Variants in C19orf47 observed in about 807,000 individuals in gnomAD.
The protein encoded by C19orf47 is chromosome 19 open reading frame 47, also known as uncharacterized protein C19orf47.
Under a neutral mutation model 32.3 loss-of-function variants are expected in C19orf47, and 18 were observed. The observed-to-expected ratio is 0.56, with a 90% CI of 0.39 to 0.83. C19orf47 has a LOEUF of 0.83. Among genes scored for constraint, C19orf47 ranks in the 40% least tolerant of loss-of-function variants. C19orf47 has a pLI of 0.00. For synonymous variants in C19orf47, 202 were observed against 211.1 expected (o/e 0.96, Z 0.37); for missense variants, 484 against 531.6 (o/e 0.91, Z 0.88).
At chr19:40,326,303 G>A (rs372250147) in intron 7 of C19orf47, 31 bp downstream of exon 7, 14 of 1,612,596 alleles carry the variant, frequency 8.7e-6, no homozygotes, top group African/African-American at 5.3e-5. Flanking sequence ...CATGGACCCC[G>A]CAGGGAAGCA....
chr19:40,298,624 A>G, the C19orf47 span, among the ~76,000 whole-genome samples: 2 of 152,232 alleles, frequency 1.3e-5, no homozygotes, highest in African/African-American at 4.8e-5. Context: ...AGCTCATGAC[A>G]GTTCAAAATC....
chr19:40,348,457 C>T (rs1219598395), upstream of C19orf47: 2 of 1,501,424 alleles, frequency 1.3e-6, no homozygotes, highest in Non-Finnish European at 1.8e-6. Context: ...TGAACTGACT[C>T]GTCCGCGGCC....
the C19orf47 span, among the ~76,000 whole-genome samples, chr19:40,306,950 C>T: frequency 1.3e-5 from 2 of 151,596 alleles, no homozygotes; most frequent in Admixed American, 6.6e-5. Flanking sequence ...CCACCTAGCC[C>T]GGCTAATTTT....
downstream of C19orf47, among the ~76,000 whole-genome samples, chr19:40,318,094 G>T (rs1182905677): frequency 6.6e-6 from 1 of 152,140 alleles, no homozygotes. Flanking sequence ...TATCAAGGCA[G>T]CCCAGGTGGC....
downstream of C19orf47, among the ~76,000 whole-genome samples, chr19:40,317,019 G>A (rs2077666744): frequency 6.6e-6 from 1 of 152,162 alleles, no homozygotes; most frequent in African/African-American, 2.4e-5. Context: ...TGTAGTCTCT[G>A]AGGAAGGGAC....
intron 1 of C19orf47, among the ~76,000 whole-genome samples, chr19:40,342,999 A>G (rs2078206732): frequency 6.6e-6 from 1 of 152,198 alleles, no homozygotes. Flanking sequence ...ATTAGCACCA[A>G]TGGAGACTGT....
intron 1 of C19orf47, 175 bp from the exon 2 acceptor site, chr19:40,342,065 C>A: frequency 1.0e-6 from 1 of 985,434 alleles, no homozygotes; most frequent in South Asian, 4.7e-5. Flanking sequence ...CTGCCACCAC[C>A]ATCATCGCTT....
chr19:40,332,464 C>T (rs1443057945), intron 5 of C19orf47: 1 of 151,548 alleles, frequency 6.6e-6, no homozygotes, highest in African/African-American at 2.4e-5. Flanking sequence ...GCCTGGCCAA[C>T]AGGGTGAAAT....
downstream of C19orf47, among the ~76,000 whole-genome samples, chr19:40,318,201 T>C (rs540451649): frequency 9.9e-5 from 15 of 152,224 alleles, no homozygotes; most frequent in African/African-American, 3.4e-4. Flanking sequence ...ATAGGGTACA[T>C]AGTGAGACCT....
chr19:40,335,621 T>C (rs1180705361), intron 4 of C19orf47, among the ~76,000 whole-genome samples: 9 of 151,740 alleles, frequency 5.9e-5, no homozygotes. Context: ...TTTTTTTTTT[T>C]TTTTTCTTGA....
chr19:40,332,319 C>A (rs1372517495), intron 5 of C19orf47, among the ~76,000 whole-genome samples: 1 of 151,464 alleles, frequency 6.6e-6, no homozygotes, highest in Admixed American at 6.6e-5. Flanking sequence ...CGTGCCATCG[C>A]ACTCCAACGT....
intron 6 of C19orf47, among the ~76,000 whole-genome samples, chr19:40,327,493 C>T (rs2077858881): frequency 6.6e-6 from 1 of 152,082 alleles, no homozygotes; most frequent in Non-Finnish European, 1.5e-5. Flanking sequence ...AAATCAAAGG[C>T]CAGAAGAGGG....
chr19:40,300,378 T>C, the C19orf47 span, among the ~76,000 whole-genome samples: 29 of 151,768 alleles, frequency 1.9e-4, 1 homozygote, highest in South Asian at 5.4e-3. Context: ...GGCAGGAGAA[T>C]TGCTTGAACC....
At chr19:40,341,339 A>T (rs2078173740) in intron 2 of C19orf47, among the ~76,000 whole-genome samples, 1 of 151,830 alleles carries the variant, frequency 6.6e-6, no homozygotes, top group Admixed American at 6.6e-5. Flanking sequence ...CATCTCAACA[A>T]ACATACATAT....
intron 2 of C19orf47, among the ~76,000 whole-genome samples, chr19:40,337,942 A>C (rs2145593797): frequency 6.6e-6 from 1 of 152,228 alleles, no homozygotes; most frequent in East Asian, 1.9e-4. Context: ...ACTGACCAGA[A>C]GCAGGCACCT....
intron 4 of C19orf47, chr19:40,334,919 AAT>A (rs1307857605): frequency 6.7e-6 from 1 of 149,638 alleles, no homozygotes; most frequent in Non-Finnish European, 1.5e-5. Context: ...CTCAAAAATA[AAT>A]AATAAACAAG....
At chr19:40,343,860 AT>A (rs2078223734) in intron 1 of C19orf47, 1 of 147,488 alleles carries the variant, frequency 6.8e-6, no homozygotes, top group South Asian at 2.1e-4. Context: ...CAGTGGCGCG[AT>A]CTCGGCTCAC....
intron 1 of C19orf47, among the ~76,000 whole-genome samples, chr19:40,347,490 C>T (rs965096981): frequency 6.6e-6 from 1 of 151,928 alleles, no homozygotes; most frequent in African/African-American, 2.4e-5. Context: ...CGAAATTGCA[C>T]CATTGCACTC....
chr19:40,304,292 A>G, the C19orf47 span, among the ~76,000 whole-genome samples: 1 of 152,198 alleles, frequency 6.6e-6, no homozygotes, highest in Non-Finnish European at 1.5e-5. Context: ...ATTACTTCAA[A>G]TGGAGGGAAC....
Sources: gnomAD v4.1 joint callset for allele counts (sites outside exome capture counted in the v4.1 genomes callset) on GRCh38, gnomAD v4.1.1 for gene constraint, MANE v1.5 for transcripts, NCBI Gene and HGNC (gene_info 2026-07-23, HGNC 2026-07-21) for gene names.